The following C10orf90 variants were observed in gnomAD, a reference collection of about 807,000 sequenced individuals.
C10orf90 encodes chromosome 10 open reading frame 90.
In C10orf90, 56 loss-of-function variants were observed where a neutral mutation model predicts 62.5. The ratio of observed to expected loss-of-function variants is 0.90; its 90% confidence interval spans 0.72 to 1.12. C10orf90 has a LOEUF of 1.12. Ranked by LOEUF, C10orf90 falls within the 50% of genes most tolerant of loss-of-function variation. The pLI, the probability that C10orf90 is intolerant of heterozygous loss-of-function variation, is 0.00. For synonymous variants in C10orf90, 386 were observed against 340.4 expected (o/e 1.13, Z -1.47); for missense variants, 970 against 880.4 (o/e 1.10, Z -1.29).
intron 3 of C10orf90, among the ~76,000 whole-genome samples, chr10:126,505,753 G>C (rs1190272860): frequency 1.3e-5 from 2 of 152,170 alleles, no homozygotes; most frequent in Non-Finnish European, 2.9e-5. Flanking sequence ...TCGTGAGTTT[G>C]AGACCAGCCT....
rs1307537516 is a variant in C10orf90, at chr10:126,612,854, TA to T, written c.313+33710del. Reference sequence around the variant, plus strand: ...TTGCTGCATATGAGCTGTTAAAAATTAGCGGCCAATTAATACTTTTCAGCTT... The same window carrying T: ...TTGCTGCATATGAGCTGTTAAAAATTGCGGCCAATTAATACTTTTCAGCTT... On this transcript the variant is annotated intron_variant, in intron 2 of 9. Coordinates refer to ENST00000488181, the MANE Select transcript of C10orf90 (RefSeq NM_001350921.2). 2.0e-5 allele frequency among the ~76,000 whole-genome samples: 3 copies of T among 152,280 alleles called. No individual in the cohort carries two copies. In the East Asian group the frequency reaches 5.8e-4, roughly 29 times the overall value.
intron 2 of C10orf90, among the ~76,000 whole-genome samples, chr10:126,536,959 A>G (rs183875044): frequency 3.3e-5 from 5 of 152,338 alleles, no homozygotes; most frequent in Non-Finnish European, 7.3e-5. Flanking sequence ...GAAAGTAAAA[A>G]TAAAGAGGAC....
At chr10:126,637,831 T>C (rs544322889) in intron 2 of C10orf90, among the ~76,000 whole-genome samples, 4 of 152,210 alleles carry the variant, frequency 2.6e-5, no homozygotes, top group Admixed American at 2.6e-4. Context: ...CTGGAAGGCA[T>C]GGAAGGGTCT....
At chr10:126,488,491 T>C (rs1375936583) in intron 4 of C10orf90, among the ~76,000 whole-genome samples, 1 of 151,402 alleles carries the variant, frequency 6.6e-6, no homozygotes, top group Non-Finnish European at 1.5e-5. Context: ...AATAAACAAA[T>C]AGAAATAAGA....
At chr10:126,482,168 C>T (rs768650351) in intron 4 of C10orf90, among the ~76,000 whole-genome samples, 8 of 152,176 alleles carry the variant, frequency 5.3e-5, no homozygotes, top group Non-Finnish European at 1.0e-4. Context: ...TCATGTAAAA[C>T]TAGGATTAAA....
At chr10:126,473,640 T>G (rs537073821) in intron 4 of C10orf90, among the ~76,000 whole-genome samples, 1 of 147,542 alleles carries the variant, frequency 6.8e-6, no homozygotes, top group South Asian at 2.1e-4. Context: ...TGCCCACCTC[T>G]GGATTTTTAT....
At chr10:126,669,006 C>T (rs201691440) in intron 1 of C10orf90, among the ~76,000 whole-genome samples, 2 of 151,802 alleles carry the variant, frequency 1.3e-5, no homozygotes, top group Non-Finnish European at 1.5e-5. Flanking sequence ...AAGCTATGAA[C>T]AATGCATAAT....
intron 2 of C10orf90, among the ~76,000 whole-genome samples, chr10:126,594,438 G>A (rs1337502738): frequency 6.6e-6 from 1 of 152,134 alleles, no homozygotes; most frequent in Non-Finnish European, 1.5e-5. Flanking sequence ...ATCCTCCTGA[G>A]TTATGTGACT....
intron 2 of C10orf90, among the ~76,000 whole-genome samples, chr10:126,612,668 A>G (rs951250060): frequency 1.3e-5 from 2 of 152,212 alleles, no homozygotes; most frequent in African/African-American, 4.8e-5. Context: ...CGTGTTTTCC[A>G]ATCAGTTCAA....
At chr10:126,589,399 G>A (rs1047603510) in intron 2 of C10orf90, among the ~76,000 whole-genome samples, 4 of 151,722 alleles carry the variant, frequency 2.6e-5, no homozygotes, top group Non-Finnish European at 4.4e-5. Flanking sequence ...CCCAAGACAC[G>A]ATCATCAGAT....
intron 2 of C10orf90, among the ~76,000 whole-genome samples, chr10:126,593,467 A>T (rs1489610833): frequency 6.6e-6 from 1 of 152,232 alleles, no homozygotes; most frequent in Non-Finnish European, 1.5e-5. Flanking sequence ...GTTCTCACTT[A>T]TTCAGTGGGA....
At chr10:126,469,975 C>A (rs771425815) in intron 4 of C10orf90, 15 of 456,464 alleles carry the variant, frequency 3.3e-5, no homozygotes, top group Non-Finnish European at 6.2e-5. Context: ...GCTGCGGAGG[C>A]AGGGAAGGCA....
At chr10:126,595,335 A>C (rs1845062470) in intron 2 of C10orf90, among the ~76,000 whole-genome samples, 1 of 152,220 alleles carries the variant, frequency 6.6e-6, no homozygotes, top group South Asian at 2.1e-4. Flanking sequence ...GGGCTTTTCC[A>C]CTGAGATGCA....
At chr10:126,565,286 A>G (rs1436308163) in intron 2 of C10orf90, among the ~76,000 whole-genome samples, 1 of 67,908 alleles carries the variant, frequency 1.5e-5, no homozygotes, top group Non-Finnish European at 2.6e-5. Flanking sequence ...TATATTATAT[A>G]TTATATATTT....
At chr10:126,490,028 A>ATT (rs1244004945) in intron 4 of C10orf90, among the ~76,000 whole-genome samples, 4 of 102,588 alleles carry the variant, frequency 3.9e-5, no homozygotes, top group African/African-American at 2.0e-4. Context: ...TATAATATAT[A>ATT]ATATATAATA....
intron 2 of C10orf90, among the ~76,000 whole-genome samples, chr10:126,566,134 TA>T (rs1844382986): frequency 6.6e-6 from 1 of 152,206 alleles, no homozygotes; most frequent in Admixed American, 6.5e-5. Context: ...TATGCAAGGA[TA>T]ACCTTGGATA....
chr10:126,622,821 T>C (rs2133818082), intron 2 of C10orf90, among the ~76,000 whole-genome samples: 1 of 152,342 alleles, frequency 6.6e-6, no homozygotes, highest in Admixed American at 6.5e-5. Flanking sequence ...AAGGCGCACA[T>C]ACTTCTATTA....
intron 7 of C10orf90, among the ~76,000 whole-genome samples, chr10:126,442,638 TATATA>T (rs1564794968): frequency 1.3e-3 from 22 of 16,456 alleles, no homozygotes; most frequent in African/African-American, 3.7e-3. Flanking sequence ...TGTGTGTATA[TATATA>T]TATATATATA....
chr10:126,444,092 A>C (rs1262569298), intron 7 of C10orf90, among the ~76,000 whole-genome samples: 1 of 152,114 alleles, frequency 6.6e-6, no homozygotes, highest in Non-Finnish European at 1.5e-5. Context: ...AGTTGAAAGC[A>C]TTCCCTCTGA....
Sources: gnomAD v4.1 joint callset for allele counts (sites outside exome capture counted in the v4.1 genomes callset) on GRCh38, gnomAD v4.1.1 for gene constraint, MANE v1.5 for transcripts, NCBI Gene and HGNC (gene_info 2026-07-23, HGNC 2026-07-21) for gene names.